LRRC8C: variants seen among roughly 807,000 people sequenced by gnomAD.
LRRC8C encodes the protein leucine rich repeat containing 8 VRAC subunit C.
Under a neutral mutation model 55.3 loss-of-function variants are expected in LRRC8C, and 20 were observed. The ratio of observed to expected loss-of-function variants is 0.36; its 90% CI spans 0.25 to 0.53. The LOEUF (loss-of-function observed/expected upper bound fraction) is 0.53, where lower values mean the gene tolerates loss of function less well. Ranked by LOEUF, LRRC8C falls within the 20% of genes least tolerant of loss-of-function variation. The pLI is 0.92. For missense variants in LRRC8C, 659 were observed against 951.4 expected, an observed-to-expected ratio of 0.69 and a Z score of 4.04; for synonymous variants, 376 against 360.7, an observed-to-expected ratio of 1.04 and a Z score of -0.48.
Position 89,713,540 on chromosome 1 carries a change from C to T in LRRC8C, c.970C>T (p.Leu324=), listed in dbSNP as rs571310920. 1 of 1,614,172 alleles carries T rather than the reference C, an allele frequency of 6.2e-7. No individual in the cohort carries two copies. Among genetic ancestry groups the T allele is most frequent in the South Asian group, 1.1e-5 (1 of 91,078 alleles). The change falls in exon 3 of 3, where the codon CTG becomes TTG. Residue 324 remains leucine, a synonymous_variant. Transcript: ENST00000370454. The surrounding 1 kb of genome is among the most constrained non-coding windows in gnomAD (Gnocchi z 5.2). Reference sequence around the variant, plus strand: ...GTTCTCAAAACTGTCCTTTTGCTATCTGTGCTTTGTTAGTATCTATGGATT... The same window carrying T: ...GTTCTCAAAACTGTCCTTTTGCTATTTGTGCTTTGTTAGTATCTATGGATT... ...HLFSKLSFCY[L]CFVSIYGLTC...
At chr1:89,649,477 C>A (rs1656700228) in intron 1 of LRRC8C, among the ~76,000 whole-genome samples, 1 of 152,076 alleles carries the variant, frequency 6.6e-6, no homozygotes, top group Non-Finnish European at 1.5e-5. Context: ...CCAAACATTC[C>A]TTCTGTGCAT....
chr1:89,655,260 T>G (rs574794908), intron 1 of LRRC8C, among the ~76,000 whole-genome samples: 1 of 152,278 alleles, frequency 6.6e-6, no homozygotes, highest in South Asian at 2.1e-4. Context: ...TCCAAGTTCT[T>G]TTCGGTGTGT....
intron 1 of LRRC8C, among the ~76,000 whole-genome samples, chr1:89,653,286 A>G (rs1274825392): frequency 6.6e-6 from 1 of 152,266 alleles, no homozygotes. Flanking sequence ...ATGCCACTGA[A>G]TGTTAACACA....
At chr1:89,691,195 CA>C (rs1658018195) in intron 2 of LRRC8C, among the ~76,000 whole-genome samples, 1 of 152,140 alleles carries the variant, frequency 6.6e-6, no homozygotes, top group African/African-American at 2.4e-5. Context: ...CAATGTTTTC[CA>C]ATATGTAAAT....
intron 2 of LRRC8C, among the ~76,000 whole-genome samples, chr1:89,697,548 T>C (rs916670074): frequency 6.6e-6 from 1 of 152,210 alleles, no homozygotes; most frequent in African/African-American, 2.4e-5. Context: ...CAGATAAATA[T>C]TTCAAATTCT....
intron 1 of LRRC8C, among the ~76,000 whole-genome samples, chr1:89,682,594 A>G (rs1329793606): frequency 1.3e-5 from 2 of 152,192 alleles, no homozygotes; most frequent in African/African-American, 4.8e-5. Context: ...TGATGGTGCA[A>G]AAACCATGGT....
chr1:89,641,138 T>C (rs2185195), intron 1 of LRRC8C, among the ~76,000 whole-genome samples: 84,782 of 152,066 alleles, frequency 0.56, 24,060 homozygotes, highest in East Asian at 0.79. Flanking sequence ...AGACAACATG[T>C]GATTAGAGCA....
At chr1:89,659,822 A>G (rs929321530) in intron 1 of LRRC8C, among the ~76,000 whole-genome samples, 1 of 152,162 alleles carries the variant, frequency 6.6e-6, no homozygotes, top group Non-Finnish European at 1.5e-5. Flanking sequence ...CAAAAGTGTT[A>G]CTGCTCAGAC....
chr1:89,628,890 A>G (rs1441695682), upstream of LRRC8C, among the ~76,000 whole-genome samples: 3 of 152,178 alleles, frequency 2.0e-5, no homozygotes, highest in Non-Finnish European at 2.9e-5. Flanking sequence ...TCCAGTTTCT[A>G]TGGCTTGCTT....
intron 2 of LRRC8C, among the ~76,000 whole-genome samples, chr1:89,710,444 G>T (rs1192048571): frequency 6.6e-6 from 1 of 152,062 alleles, no homozygotes; most frequent in Non-Finnish European, 1.5e-5. Flanking sequence ...TTAGCTTTTT[G>T]ATTATTTGAC....
At position 89,715,167 on chromosome 1, in the gene LRRC8C, T is replaced by C; in HGVS notation, c.*185T>C. ...TTTTTTCAATATTAATATTTTGAAG[T>C]TTTATTTGTCTTGAAACACAATGTA... On this transcript the variant is annotated 3_prime_UTR_variant, in exon 3 of 3. Coordinates refer to ENST00000370454, the MANE Select transcript of LRRC8C (RefSeq NM_032270.5). 2 of 386,616 alleles carry C rather than the reference T, an allele frequency of 5.2e-6. No individual in the cohort carries two copies. The highest frequency in any genetic ancestry group is 9.1e-6 in the Non-Finnish European group (2 of 219,998). The allele number at this position is 386,616 out of a possible 1,614,324, so 23.9% of individuals were successfully genotyped here.
intron 1 of LRRC8C, among the ~76,000 whole-genome samples, chr1:89,659,062 TGTG>T (rs780677264): frequency 0.091 from 6,088 of 66,802 alleles, 666 homozygotes; most frequent in Admixed American, 0.18. Flanking sequence ...TTTTTTTTTT[TGTG>T]TGTGTGTGTG....
At chr1:89,637,237 G>A (rs1656315277) in intron 1 of LRRC8C, among the ~76,000 whole-genome samples, 1 of 151,936 alleles carries the variant, frequency 6.6e-6, no homozygotes, top group African/African-American at 2.4e-5. Flanking sequence ...CCGTATTTGA[G>A]TAGTTTGGTA....
intron 1 of LRRC8C, among the ~76,000 whole-genome samples, chr1:89,676,788 T>C (rs1391429725): frequency 6.6e-6 from 1 of 152,138 alleles, no homozygotes; most frequent in Admixed American, 6.6e-5. Flanking sequence ...TACAAAGGAG[T>C]TTCAATTCAT....
At chr1:89,647,967 G>A (rs1656659163) in intron 1 of LRRC8C, among the ~76,000 whole-genome samples, 1 of 152,192 alleles carries the variant, frequency 6.6e-6, no homozygotes, top group Non-Finnish European at 1.5e-5. Context: ...TACTCTGGAG[G>A]CTGAGGCGGG....
At chr1:89,635,412 C>T (rs1372155243) in intron 1 of LRRC8C, among the ~76,000 whole-genome samples, 1 of 152,074 alleles carries the variant, frequency 6.6e-6, no homozygotes, top group East Asian at 1.9e-4. Context: ...ATGCTAGATA[C>T]CTAATACACA....
At chr1:89,709,759 T>TG in intron 2 of LRRC8C, among the ~76,000 whole-genome samples, 1 of 150,994 alleles carries the variant, frequency 6.6e-6, no homozygotes, top group Admixed American at 6.6e-5. Flanking sequence ...TTGTTTGTTT[T>TG]TTTTTTGTTT....
At chr1:89,634,004 T>C (rs542854369) in intron 1 of LRRC8C, among the ~76,000 whole-genome samples, 66 of 152,106 alleles carry the variant, frequency 4.3e-4, no homozygotes, top group Non-Finnish European at 8.2e-4. Flanking sequence ...GGGATGGAGT[T>C]AGCAACTCAG....
intron 1 of LRRC8C, among the ~76,000 whole-genome samples, chr1:89,653,641 G>A (rs1656854064): frequency 6.6e-6 from 1 of 152,162 alleles, no homozygotes; most frequent in Non-Finnish European, 1.5e-5. Context: ...AGAAAAGGTA[G>A]GGAGAACTGG....
Sources: allele counts gnomAD v4.1 joint callset (sites outside exome capture counted in the v4.1 genomes callset), GRCh38; gene constraint gnomAD v4.1.1; non-coding constraint Gnocchi (gnomAD v3.1); transcripts MANE v1.5; gene names NCBI Gene and HGNC (gene_info 2026-07-23, HGNC 2026-07-21).